PDE4D: variants seen among roughly 807,000 people sequenced by gnomAD.
PDE4D encodes the protein phosphodiesterase 4D, also known as 3',5'-cyclic-AMP phosphodiesterase 4D.
PDE4D carries 24 observed loss-of-function variants against 87.4 expected under a neutral mutation model. The observed-to-expected ratio is 0.27, with a 90% CI of 0.20 to 0.39. The LOEUF (loss-of-function observed/expected upper bound fraction) is 0.39. Ranked by LOEUF, PDE4D falls within the 10% of genes least tolerant of loss-of-function variation. The probability of loss-of-function intolerance (pLI) is 1.00; values close to 1 mark genes in which losing one functional copy is unlikely to be tolerated. For missense variants in PDE4D, 714 were observed against 1,041.0 expected, an observed-to-expected ratio of 0.69 and a Z score of 4.32; for synonymous variants, 384 against 383.2, an observed-to-expected ratio of 1.00 and a Z score of -0.02.
intron 1 of PDE4D, among the ~76,000 whole-genome samples, chr5:59,456,787 AC>A (rs1562222556): frequency 1.3e-5 from 2 of 152,150 alleles, no homozygotes; most frequent in African/African-American, 4.8e-5. Flanking sequence ...GTTGATTCCA[AC>A]CCTCATGGAT....
chr5:60,277,722 GT>G (rs1751514000), intron 1 of PDE4D, among the ~76,000 whole-genome samples: 1 of 151,984 alleles, frequency 6.6e-6, no homozygotes, highest in Non-Finnish European at 1.5e-5. Flanking sequence ...TAACTCTACT[GT>G]TTTACTTTTT....
intron 6 of PDE4D, among the ~76,000 whole-genome samples, chr5:59,006,421 C>T (rs1040984510): frequency 6.6e-6 from 1 of 151,892 alleles, no homozygotes; most frequent in Non-Finnish European, 1.5e-5. Context: ...TAAAAATTAG[C>T]CAGGTGTGGT....
At chr5:59,689,472 C>T (rs1197416823) in intron 1 of PDE4D, among the ~76,000 whole-genome samples, 1 of 152,152 alleles carries the variant, frequency 6.6e-6, no homozygotes. Context: ...ACAAAAGCCA[C>T]ATGATTCTCT....
intron 1 of PDE4D, chr5:59,430,335 G>C: frequency 8.1e-7 from 1 of 1,231,136 alleles, no homozygotes; most frequent in Non-Finnish European, 1.0e-6. Context: ...TGTTGATCGC[G>C]TATGGTGATC....
intron 1 of PDE4D, among the ~76,000 whole-genome samples, chr5:59,833,502 A>C (rs1426845303): frequency 2.0e-5 from 3 of 152,084 alleles, no homozygotes; most frequent in Non-Finnish European, 4.4e-5. Context: ...AATAATTTTC[A>C]AATTTCAAAT....
chr5:60,272,490 TGCAGATCTTTTAGAATG>T (rs1271355270), intron 1 of PDE4D, among the ~76,000 whole-genome samples: 1 of 152,252 alleles, frequency 6.6e-6, no homozygotes, highest in Non-Finnish European at 1.5e-5. Context: ...CACACAGGTC[TGCAGATCTTTTAGAATG>T]GCATTGGTTT....
chr5:59,744,648 A>T (rs929492633), intron 1 of PDE4D, among the ~76,000 whole-genome samples: 1 of 152,190 alleles, frequency 6.6e-6, no homozygotes, highest in African/African-American at 2.4e-5. Context: ...AGCATGTGTC[A>T]TTGAGAATCC....
At chr5:59,647,508 T>C (rs1742677031) in intron 1 of PDE4D, among the ~76,000 whole-genome samples, 1 of 151,950 alleles carries the variant, frequency 6.6e-6, no homozygotes, top group African/African-American at 2.4e-5. Flanking sequence ...CCTATACCTG[T>C]TTAAATATAT....
intron 6 of PDE4D, among the ~76,000 whole-genome samples, chr5:59,021,700 C>T (rs770251783): frequency 5.9e-5 from 9 of 152,230 alleles, no homozygotes; most frequent in Non-Finnish European, 1.0e-4. Context: ...TGCAACTCTA[C>T]TGTAGGGCAG....
intron 1 of PDE4D, among the ~76,000 whole-genome samples, chr5:59,516,721 T>C (rs1811220402): frequency 6.6e-6 from 1 of 152,160 alleles, no homozygotes; most frequent in Admixed American, 6.6e-5. Flanking sequence ...ATAATTTTTA[T>C]AGAAAAAGAA....
intron 1 of PDE4D, among the ~76,000 whole-genome samples, chr5:59,615,153 C>T (rs1026972680): frequency 6.6e-6 from 1 of 152,064 alleles, no homozygotes; most frequent in Non-Finnish European, 1.5e-5. Flanking sequence ...GTTGAACATT[C>T]CCATTCTAGC....
chr5:59,135,560 C>T (rs913514213), intron 5 of PDE4D, among the ~76,000 whole-genome samples: 2 of 152,152 alleles, frequency 1.3e-5, no homozygotes, highest in Non-Finnish European at 2.9e-5. Context: ...CTGGTCTGGA[C>T]TTATTTGCAA....
chr5:59,528,855 C>T (rs1163574293), intron 1 of PDE4D: 4 of 284,662 alleles, frequency 1.4e-5, no homozygotes, highest in Non-Finnish European at 2.8e-5. Flanking sequence ...TGTGCTGGGT[C>T]ACCAAAATGT....
intron 1 of PDE4D, among the ~76,000 whole-genome samples, chr5:59,637,962 T>C (rs1169044207): frequency 6.6e-6 from 1 of 152,184 alleles, no homozygotes; most frequent in African/African-American, 2.4e-5. Flanking sequence ...TATCAAAAGT[T>C]CCAGTATTAT....
chr5:60,216,008 G>A (rs1361689371), intron 1 of PDE4D, among the ~76,000 whole-genome samples: 6 of 152,082 alleles, frequency 3.9e-5, no homozygotes, highest in African/African-American at 1.4e-4. Flanking sequence ...AGAAACTTAG[G>A]AAGGAAAGGG....
intron 5 of PDE4D, chr5:59,039,822 G>C (rs1413762161): frequency 6.6e-6 from 1 of 152,564 alleles, no homozygotes; most frequent in Non-Finnish European, 1.5e-5. Flanking sequence ...TGTGTCTGTG[G>C]GGCTGCTGTG....
intron 1 of PDE4D, among the ~76,000 whole-genome samples, chr5:59,269,684 T>C (rs1380988706): frequency 6.6e-6 from 1 of 151,978 alleles, no homozygotes; most frequent in Non-Finnish European, 1.5e-5. Context: ...GGGTGGGGGG[T>C]AAATGTACAA....
At chr5:60,276,843 C>T (rs1345788399) in intron 1 of PDE4D, among the ~76,000 whole-genome samples, 2 of 151,708 alleles carry the variant, frequency 1.3e-5, no homozygotes, top group African/African-American at 4.8e-5. Context: ...TCTACCTTAT[C>T]AGATAGTATA....
intron 2 of PDE4D, among the ~76,000 whole-genome samples, chr5:60,003,029 CAT>C (rs1764153587): frequency 6.6e-6 from 1 of 152,056 alleles, no homozygotes; most frequent in Non-Finnish European, 1.5e-5. Flanking sequence ...AAAAAACTGT[CAT>C]AATTAAGAAA....
Sources: gnomAD v4.1 joint callset for allele counts (sites outside exome capture counted in the v4.1 genomes callset) on GRCh38, gnomAD v4.1.1 for gene constraint, MANE v1.5 for transcripts, NCBI Gene and HGNC (gene_info 2026-07-23, HGNC 2026-07-21) for gene names.